Variants in AIM2 observed in about 807,000 individuals in gnomAD.
AIM2 encodes the protein absent in melanoma 2, also known as interferon-inducible protein AIM2.
Under a neutral mutation model 27.7 loss-of-function variants are expected in AIM2, and 30 were observed. That is an observed-to-expected ratio of 1.08 (90% CI 0.81 to 1.47). The LOEUF (loss-of-function observed/expected upper bound fraction) is 1.47. AIM2 is among the 40% of genes most tolerant of loss of function. The pLI, the probability that AIM2 is intolerant of heterozygous loss-of-function variation, is 0.00. For synonymous variants in AIM2, 141 were observed against 145.3 expected (o/e 0.97, Z 0.21); for missense variants, 358 against 411.3 (o/e 0.87, Z 1.12).
chr1:159,082,117 A>G (rs1329531136), intron 1 of AIM2, among the ~76,000 whole-genome samples: 1 of 151,374 alleles, frequency 6.6e-6, no homozygotes, highest in Admixed American at 6.6e-5. Context: ...AGAATAGATC[A>G]TATCTGAGGA....
chr1:159,111,814 A>C (rs962791950), intron 1 of AIM2, among the ~76,000 whole-genome samples: 1 of 146,776 alleles, frequency 6.8e-6, no homozygotes, highest in Non-Finnish European at 1.5e-5. Flanking sequence ...AAAAAAAAAA[A>C]CTATCTATCT....
intron 1 of AIM2, among the ~76,000 whole-genome samples, chr1:159,089,380 A>C (rs559324309): frequency 1.3e-5 from 2 of 152,338 alleles, no homozygotes; most frequent in South Asian, 4.1e-4. Flanking sequence ...AGCACTAAAA[A>C]ACACTGCCTC....
At chr1:159,139,665 T>A (rs1648074492) in intron 1 of AIM2, among the ~76,000 whole-genome samples, 1 of 152,220 alleles carries the variant, frequency 6.6e-6, no homozygotes, top group Non-Finnish European at 1.5e-5. Flanking sequence ...TATCTGTGGA[T>A]TTTAATTCTC....
intron 1 of AIM2, among the ~76,000 whole-genome samples, chr1:159,123,306 A>T (rs1647592024): frequency 6.6e-6 from 1 of 152,246 alleles, no homozygotes; most frequent in Admixed American, 6.5e-5. Context: ...ACTTGCAAGG[A>T]GTAGGCTAAA....
At chr1:159,136,520 C>T (rs781561389) in intron 1 of AIM2, among the ~76,000 whole-genome samples, 1 of 152,192 alleles carries the variant, frequency 6.6e-6, no homozygotes, top group African/African-American at 2.4e-5. Context: ...GCTGCTTCTA[C>T]TATGCTCATG....
At chr1:159,132,419 T>G (rs1647911997) in intron 1 of AIM2, 1 of 152,006 alleles carries the variant, frequency 6.6e-6, no homozygotes, top group African/African-American at 2.4e-5. Context: ...AGAAAAAAGA[T>G]ATTTTATTTA....
chr1:159,118,045 CT>C (rs1362527275), intron 1 of AIM2, among the ~76,000 whole-genome samples: 1 of 152,130 alleles, frequency 6.6e-6, no homozygotes, highest in Non-Finnish European at 1.5e-5. Context: ...AGAAAAATCT[CT>C]TATACAGCCT....
chr1:159,100,614 G>A (rs1657291828), intron 1 of AIM2, among the ~76,000 whole-genome samples: 1 of 152,200 alleles, frequency 6.6e-6, no homozygotes, highest in Non-Finnish European at 1.5e-5. Context: ...CTAGAGTCTA[G>A]AAAGTCTATA....
intron 1 of AIM2, among the ~76,000 whole-genome samples, chr1:159,084,597 C>A (rs1656857793): frequency 6.6e-6 from 1 of 152,004 alleles, no homozygotes; most frequent in African/African-American, 2.4e-5. Context: ...AAAACGGCGA[C>A]CTTATCTCTC....
At chr1:159,142,338 A>C (rs1372513426), upstream of AIM2, among the ~76,000 whole-genome samples, 3 of 152,182 alleles carry the variant, frequency 2.0e-5, no homozygotes, top group African/African-American at 7.2e-5. Flanking sequence ...TAAGCATGGG[A>C]GTGAAGAAAA....
chr1:159,142,067 C>G (rs532105447), upstream of AIM2, among the ~76,000 whole-genome samples: 1 of 152,200 alleles, frequency 6.6e-6, no homozygotes, highest in Non-Finnish European at 1.5e-5. Flanking sequence ...CCTCCACCCC[C>G]ACTCCCTCAC....
chr1:159,086,742 C>A (rs936448811), intron 1 of AIM2, among the ~76,000 whole-genome samples: 1 of 152,184 alleles, frequency 6.6e-6, no homozygotes, highest in Non-Finnish European at 1.5e-5. Flanking sequence ...CCTGTGTGGC[C>A]TTGAGTAAGT....
chr1:159,088,569 A>G lies in AIM2; in HGVS notation c.-15-22240T>C, dbSNP rs78902793. ...TGTATTGATGTCTGACATGATTTAA[A>G]TATTTGTCTCCTTCAAAACTCGTGT... On this transcript the variant is annotated intron_variant, in intron 1 of 2. Coordinates refer to the AIM2 transcript ENST00000368129. 7.4e-3 allele frequency among the ~76,000 whole-genome samples: 1,123 copies of G among 152,260 alleles called. 17 individuals are homozygous for G. Among genetic ancestry groups the G allele is most frequent in the African/African-American group, 0.026 (1,071 of 41,544 alleles).
At chr1:159,146,495 A>G (rs933104171) in intron 1 of AIM2, among the ~76,000 whole-genome samples, 1 of 152,010 alleles carries the variant, frequency 6.6e-6, no homozygotes, top group Non-Finnish European at 1.5e-5. Flanking sequence ...CCTGCTTTAA[A>G]ATGTTCTTCT....
intron 1 of AIM2, among the ~76,000 whole-genome samples, chr1:159,111,904 T>A (rs1460498716): frequency 6.6e-6 from 1 of 151,344 alleles, no homozygotes. Context: ...TAGCCGAGCA[T>A]GGTGGTGGGC....
downstream of AIM2, among the ~76,000 whole-genome samples, chr1:159,059,368 C>T (rs976180897): frequency 3.3e-5 from 5 of 152,062 alleles, no homozygotes; most frequent in Non-Finnish European, 7.4e-5. Flanking sequence ...TCTGAAGAAA[C>T]TTCAGATGCT....
chr1:159,111,872 A>G (rs958603687), intron 1 of AIM2, among the ~76,000 whole-genome samples: 2 of 150,482 alleles, frequency 1.3e-5, no homozygotes, highest in African/African-American at 4.9e-5. Flanking sequence ...CTATCTATCT[A>G]TCTATCTATC....
intron 1 of AIM2, among the ~76,000 whole-genome samples, chr1:159,075,214 G>C (rs1215229337): frequency 6.6e-6 from 1 of 152,156 alleles, no homozygotes; most frequent in Non-Finnish European, 1.5e-5. Context: ...ACTATAAAAA[G>C]TGTTCAGACA....
intron 1 of AIM2, among the ~76,000 whole-genome samples, chr1:159,102,973 T>C (rs147894374): frequency 6.6e-6 from 1 of 152,322 alleles, no homozygotes; most frequent in East Asian, 1.9e-4. Context: ...CATGAGGACA[T>C]GAGATTTGGG....
Sources: gnomAD v4.1 joint callset for allele counts (sites outside exome capture counted in the v4.1 genomes callset) on GRCh38, gnomAD v4.1.1 for gene constraint, MANE v1.5 for transcripts, NCBI Gene and HGNC (gene_info 2026-07-23, HGNC 2026-07-21) for gene names.